The following UBE2E2 variants were observed in gnomAD, a reference collection of about 807,000 sequenced individuals.
UBE2E2 encodes ubiquitin conjugating enzyme E2 E2.
Under a neutral mutation model 24.7 loss-of-function variants are expected in UBE2E2, and 6 were observed. The observed-to-expected ratio is 0.24, with a 90% CI of 0.13 to 0.48. UBE2E2 has a LOEUF of 0.48. Ranked by LOEUF, UBE2E2 falls within the 20% of genes least tolerant of loss-of-function variation. UBE2E2 has a pLI of 0.99. For synonymous variants in UBE2E2, 104 were observed against 83.6 expected, an observed-to-expected ratio of 1.24 and a Z score of -1.33; for missense variants, 169 against 245.0, an observed-to-expected ratio of 0.69 and a Z score of 2.07.
At chr3:23,464,607 GT>G (rs1698883909) in intron 3 of UBE2E2, among the ~76,000 whole-genome samples, 1 of 152,150 alleles carries the variant, frequency 6.6e-6, no homozygotes, top group Non-Finnish European at 1.5e-5. Flanking sequence ...TAAATTAACT[GT>G]GACCTTAAAT....
At chr3:23,380,236 TAG>T (rs1202748006) in intron 3 of UBE2E2, among the ~76,000 whole-genome samples, 3 of 152,162 alleles carry the variant, frequency 2.0e-5, no homozygotes, top group African/African-American at 7.2e-5. Context: ...ATTATTTTTC[TAG>T]AGACAGGGTC....
chr3:23,323,284 T>G (rs1373657345), intron 3 of UBE2E2, among the ~76,000 whole-genome samples: 1 of 152,122 alleles, frequency 6.6e-6, no homozygotes, highest in Non-Finnish European at 1.5e-5. Flanking sequence ...ACTTTAATAA[T>G]TTGCTCCTAT....
chr3:23,453,358 T>G (rs1304352179), intron 3 of UBE2E2, among the ~76,000 whole-genome samples: 1 of 152,022 alleles, frequency 6.6e-6, no homozygotes, highest in Non-Finnish European at 1.5e-5. Context: ...TTTTTTTTTG[T>G]GGTGAGGAAA....
At chr3:23,526,231 A>G (rs1305922491) in intron 4 of UBE2E2, among the ~76,000 whole-genome samples, 4 of 152,204 alleles carry the variant, frequency 2.6e-5, no homozygotes, top group African/African-American at 7.2e-5. Flanking sequence ...TATTATTTCT[A>G]TTATTAGTTT....
Position 23,589,998 on chromosome 3 carries a change from C to T in UBE2E2, c.*167C>T. 2 of 563,220 alleles carry T rather than the reference C, an allele frequency of 3.6e-6. No individual in the cohort carries two copies. The highest frequency in any genetic ancestry group is 6.3e-6 in the Non-Finnish European group (2 of 315,526). 34.9% of individuals were successfully genotyped at this position (563,220 alleles called of 1,614,324 possible). Reference sequence around the variant, plus strand: ...CATCTTCCCATCCCAGTTCTTCCTGCCCCCCTTCCTCTCTCCCACGCTCTC... The same window carrying T: ...CATCTTCCCATCCCAGTTCTTCCTGTCCCCCTTCCTCTCTCCCACGCTCTC... On this transcript the variant is annotated 3_prime_UTR_variant, in exon 6 of 6. Coordinates refer to ENST00000396703, the MANE Select transcript of UBE2E2 (RefSeq NM_152653.4). The surrounding 1 kb of genome is among the most constrained non-coding windows in gnomAD (Gnocchi z 4.1).
Position 23,439,398 on chromosome 3 carries a change from G to A in UBE2E2, c.228-60210G>A, listed in dbSNP as rs59256404. The stretch of plus-strand genomic sequence containing the variant: ...GCTAAGAGATACTGTCAAACTCAGA[G>A]GCACCCCTCCTCCTCCATGTCTTAA... On this transcript the variant is annotated intron_variant, in intron 3 of 5. Coordinates refer to ENST00000396703, the MANE Select transcript of UBE2E2 (RefSeq NM_152653.4). 5.6e-4 allele frequency among the ~76,000 whole-genome samples: 86 copies of A among 152,308 alleles called. 3 individuals carry two copies. In the East Asian group the frequency reaches 0.015, roughly 27 times the overall value.
At chr3:23,223,009 C>CT (rs1400307928) in intron 3 of UBE2E2, among the ~76,000 whole-genome samples, 4 of 119,200 alleles carry the variant, frequency 3.4e-5, no homozygotes, top group Non-Finnish European at 6.7e-5. Flanking sequence ...CTGTTTACAT[C>CT]TTTTGCCCCC....
intron 3 of UBE2E2, among the ~76,000 whole-genome samples, chr3:23,221,006 G>T (rs1400422306): frequency 6.6e-6 from 1 of 152,194 alleles, no homozygotes; most frequent in Non-Finnish European, 1.5e-5. Context: ...CTGTATCACA[G>T]AGAAGCTAAC....
chr3:23,404,418 A>G (rs778459), intron 3 of UBE2E2, among the ~76,000 whole-genome samples: 100,148 of 152,012 alleles, frequency 0.66, 34,670 homozygotes, highest in African/African-American at 0.88. Context: ...AGTCACCTTA[A>G]ACTTGTTACT....
chr3:23,229,548 G>A (rs1696920194), intron 3 of UBE2E2, among the ~76,000 whole-genome samples: 1 of 152,214 alleles, frequency 6.6e-6, no homozygotes, highest in African/African-American at 2.4e-5. Flanking sequence ...TGGGAAGACA[G>A]GCTTGGAAGG....
chr3:23,462,065 C>G (rs1559390993), intron 3 of UBE2E2, among the ~76,000 whole-genome samples: 1 of 152,052 alleles, frequency 6.6e-6, no homozygotes, highest in African/African-American at 2.4e-5. Flanking sequence ...TAGCATATTT[C>G]TCATTTTTAA....
intron 3 of UBE2E2, among the ~76,000 whole-genome samples, chr3:23,283,879 A>G (rs1456977474): frequency 1.3e-5 from 2 of 152,164 alleles, no homozygotes; most frequent in Admixed American, 6.5e-5. Flanking sequence ...GGTGGGGCCA[A>G]CAGTGTTTAA....
At chr3:23,357,715 G>A (rs756088177) in intron 3 of UBE2E2, among the ~76,000 whole-genome samples, 1 of 152,108 alleles carries the variant, frequency 6.6e-6, no homozygotes, top group African/African-American at 2.4e-5. Flanking sequence ...AAGCTTAGAT[G>A]TATCTCTGAG....
At chr3:23,459,976 A>G (rs968435946) in intron 3 of UBE2E2, among the ~76,000 whole-genome samples, 1 of 152,232 alleles carries the variant, frequency 6.6e-6, no homozygotes, top group African/African-American at 2.4e-5. Flanking sequence ...CTTAATTTCA[A>G]ATCCTGTGAG....
intron 3 of UBE2E2, among the ~76,000 whole-genome samples, chr3:23,397,962 C>T (rs1371044676): frequency 1.3e-5 from 2 of 152,048 alleles, no homozygotes; most frequent in African/African-American, 2.4e-5. Flanking sequence ...TTTTTCTCCT[C>T]GGTCTGTTAT....
chr3:23,265,515 A>G (rs1384744314), intron 3 of UBE2E2, among the ~76,000 whole-genome samples: 2 of 150,888 alleles, frequency 1.3e-5, no homozygotes, highest in Non-Finnish European at 2.9e-5. Flanking sequence ...GGAATAAGCT[A>G]AAGAACAACA....
At chr3:23,352,677 A>G (rs1695792093) in intron 3 of UBE2E2, among the ~76,000 whole-genome samples, 1 of 152,170 alleles carries the variant, frequency 6.6e-6, no homozygotes, top group Non-Finnish European at 1.5e-5. Flanking sequence ...TCCCAAGACT[A>G]AACCAGGAAG....
chr3:23,344,679 C>G (rs536255180), intron 3 of UBE2E2, among the ~76,000 whole-genome samples: 4 of 151,842 alleles, frequency 2.6e-5, no homozygotes, highest in African/African-American at 7.2e-5. Context: ...CATAGTGAGA[C>G]AAACCTTGTT....
intron 3 of UBE2E2, among the ~76,000 whole-genome samples, chr3:23,243,636 C>T (rs969242048): frequency 6.6e-6 from 1 of 152,102 alleles, no homozygotes; most frequent in East Asian, 1.9e-4. Context: ...CAGCCATAAT[C>T]ATTTTGGCAA....
Sources: allele counts gnomAD v4.1 joint callset (sites outside exome capture counted in the v4.1 genomes callset), GRCh38; gene constraint gnomAD v4.1.1; non-coding constraint Gnocchi (gnomAD v3.1); transcripts MANE v1.5; gene names NCBI Gene and HGNC (gene_info 2026-07-23, HGNC 2026-07-21).